APP: variants seen among roughly 807,000 people sequenced by gnomAD.
APP encodes the protein amyloid beta precursor protein, also known as amyloid-beta precursor protein.
In APP, 31 loss-of-function variants were observed where a neutral mutation model predicts 101.4. The observed-to-expected ratio is 0.31, with a 90% CI of 0.23 to 0.41. The LOEUF is 0.41. Ranked by LOEUF, APP falls within the 10% of genes least tolerant of loss-of-function variation. APP has a pLI of 1.00. For synonymous variants in APP, 366 were observed against 364.4 expected (o/e 1.00, Z -0.05); for missense variants, 839 against 1,003.7 (o/e 0.84, Z 2.22).
rs2038325188 is a variant in APP, at chr21:25,899,855, T to C, written c.1964-2182A>G. Among the ~76,000 whole-genome samples, 6 of 152,322 alleles carry C rather than the reference T, an allele frequency of 3.9e-5. No homozygotes were observed. The South Asian group carries it at 1.2e-3, about 32-fold the overall frequency. On this transcript the variant is annotated intron_variant, in intron 15 of 17. Transcript: ENST00000346798. The stretch of plus-strand genomic sequence containing the variant: ...TTTCTCATGTTGATCTATCTCGGGC[T>C]TTAATTTCCTTTCATCAGAAGTTCA...
chr21:25,924,646 A>G (rs1037554649), intron 13 of APP, among the ~76,000 whole-genome samples: 11 of 101,506 alleles, frequency 1.1e-4, no homozygotes, highest in African/African-American at 4.2e-4. Flanking sequence ...GAGCATTAGG[A>G]CAAATACCTA....
At chr21:25,895,949 T>A (rs919299613) in intron 16 of APP, among the ~76,000 whole-genome samples, 14 of 152,236 alleles carry the variant, frequency 9.2e-5, no homozygotes, top group Admixed American at 6.5e-5. Flanking sequence ...CTGATTCTCC[T>A]AATTGCTGCC....
chr21:26,099,613 T>A (rs1344763194), intron 2 of APP, among the ~76,000 whole-genome samples: 1 of 152,258 alleles, frequency 6.6e-6, no homozygotes, highest in East Asian at 1.9e-4. Flanking sequence ...TGGATTTCAA[T>A]GACATTCTTT....
chr21:25,997,328 T>C (rs1568829217), intron 8 of APP, 32 bp downstream of exon 8: 24 of 1,604,974 alleles, frequency 1.5e-5, no homozygotes, highest in Non-Finnish European at 2.0e-5. Context: ...CCTCCTCCCC[T>C]CTTCCCTTCC....
At chr21:26,132,297 A>G (rs556982906) in intron 1 of APP, among the ~76,000 whole-genome samples, 1 of 152,194 alleles carries the variant, frequency 6.6e-6, no homozygotes, top group Non-Finnish European at 1.5e-5. Flanking sequence ...TAAGGGGGAA[A>G]GATTAAATTG....
intron 16 of APP, among the ~76,000 whole-genome samples, chr21:25,893,521 T>C (rs2037830454): frequency 6.6e-6 from 1 of 152,204 alleles, no homozygotes; most frequent in Non-Finnish European, 1.5e-5. Context: ...AAAACAGCCT[T>C]ATTGCTGATA....
chr21:26,134,496 G>C (rs2062855705), intron 1 of APP, among the ~76,000 whole-genome samples: 1 of 152,226 alleles, frequency 6.6e-6, no homozygotes, highest in Non-Finnish European at 1.5e-5. Context: ...AGGACACACA[G>C]ATGAACAGCC....
intron 1 of APP, among the ~76,000 whole-genome samples, chr21:26,120,866 C>T (rs780471841): frequency 6.6e-6 from 1 of 152,224 alleles, no homozygotes; most frequent in African/African-American, 2.4e-5. Context: ...AATTATACTT[C>T]TCCCAGCAAA....
chr21:26,105,259 G>C (rs1601473670), intron 2 of APP, among the ~76,000 whole-genome samples: 2 of 151,886 alleles, frequency 1.3e-5, no homozygotes, highest in Non-Finnish European at 2.9e-5. Context: ...CAACAAAACG[G>C]AATCAAAATA....
intron 17 of APP, among the ~76,000 whole-genome samples, chr21:25,884,525 T>C (rs746959454): frequency 6.6e-6 from 1 of 152,168 alleles, no homozygotes; most frequent in Non-Finnish European, 1.5e-5. Context: ...GCCTCCAACT[T>C]GTAAGTTAAA....
At chr21:26,037,569 T>C (rs954318681) in intron 5 of APP, among the ~76,000 whole-genome samples, 2 of 152,246 alleles carry the variant, frequency 1.3e-5, no homozygotes, top group Non-Finnish European at 2.9e-5. Context: ...CAATGAGTTA[T>C]ATCTGAGGTT....
At chr21:25,901,581 A>G (rs2038491966) in intron 15 of APP, among the ~76,000 whole-genome samples, 1 of 152,214 alleles carries the variant, frequency 6.6e-6, no homozygotes, top group Admixed American at 6.5e-5. Context: ...AAAATCAGTA[A>G]GCTGGCACAT....
At chr21:26,166,311 T>C (rs1285366245) in intron 1 of APP, among the ~76,000 whole-genome samples, 1 of 151,416 alleles carries the variant, frequency 6.6e-6, no homozygotes, top group East Asian at 2.0e-4. Flanking sequence ...TTCTGTCTTC[T>C]GTGTACAGAT....
At chr21:26,167,263 G>A (rs12483698) in intron 1 of APP, among the ~76,000 whole-genome samples, 2,899 of 152,274 alleles carry the variant, frequency 0.019, 67 homozygotes, top group Admixed American at 0.058. Flanking sequence ...TAAGGGGAGG[G>A]AGGAGGGAAG....
intron 11 of APP, among the ~76,000 whole-genome samples, chr21:25,962,432 T>C (rs1157076987): frequency 6.6e-6 from 1 of 152,216 alleles, no homozygotes; most frequent in Admixed American, 6.5e-5. Context: ...TATTTGTTAA[T>C]TAAATTAATG....
intron 1 of APP, among the ~76,000 whole-genome samples, chr21:26,146,534 TTC>T (rs773471011): frequency 1.9e-4 from 29 of 152,282 alleles, no homozygotes; most frequent in Middle Eastern, 3.4e-3. Flanking sequence ...CTAATAGAGA[TTC>T]TGTTAGACAT....
intron 3 of APP, among the ~76,000 whole-genome samples, chr21:26,080,054 G>A (rs1321165677): frequency 3.3e-5 from 5 of 150,934 alleles, no homozygotes; most frequent in Admixed American, 1.3e-4. Context: ...AACCCGGGAG[G>A]CAGAGGTTGC....
At chr21:25,931,843 A>G (rs1484811826) in intron 13 of APP, among the ~76,000 whole-genome samples, 2 of 152,232 alleles carry the variant, frequency 1.3e-5, no homozygotes, top group East Asian at 3.8e-4. Context: ...CAATGGAAAC[A>G]TGGACCCAGA....
In APP at chr21:25,977,655, C is replaced by G. The variant is rs184394661; in HGVS notation, c.1225-1627G>C. 2.0e-5 allele frequency among the ~76,000 whole-genome samples: 3 copies of G among 152,152 alleles called. No individual in the cohort carries two copies. In the East Asian group the frequency reaches 5.8e-4, roughly 29 times the overall value. On this transcript the variant is annotated intron_variant, in intron 9 of 17. Coordinates refer to ENST00000346798, the MANE Select transcript of APP (RefSeq NM_000484.4). ...CTTCTTCTTGTTGTTTTTGTAAAAC[C>G]ATGGAGGAAACAAGATGGAATAAAT...
Sources: gnomAD v4.1 joint callset for allele counts (sites outside exome capture counted in the v4.1 genomes callset) on GRCh38, gnomAD v4.1.1 for gene constraint, MANE v1.5 for transcripts, NCBI Gene and HGNC (gene_info 2026-07-23, HGNC 2026-07-21) for gene names.